The following TSPAN14 variants were observed in gnomAD, a reference collection of about 807,000 sequenced individuals.
TSPAN14 encodes the protein tetraspanin-14.
A neutral mutation model predicts 36.6 loss-of-function variants in TSPAN14; 16 were observed. The observed-to-expected ratio is 0.44, with a 90% CI of 0.30 to 0.66. The LOEUF is 0.66. TSPAN14 is among the 30% of genes least tolerant of loss of function. The pLI is 0.12. For missense variants in TSPAN14, 231 were observed against 355.1 expected, an observed-to-expected ratio of 0.65 and a Z score of 2.81; for synonymous variants, 139 against 143.8, an observed-to-expected ratio of 0.97 and a Z score of 0.24.
intron 2 of TSPAN14, among the ~76,000 whole-genome samples, chr10:80,497,723 G>A (rs571315254): frequency 1.9e-4 from 29 of 152,290 alleles, no homozygotes; most frequent in African/African-American, 6.7e-4. Context: ...GTTCCTGGGC[G>A]GGGCTCAGTG....
chr10:80,511,442 C>T (rs1840612741), intron 5 of TSPAN14, among the ~76,000 whole-genome samples: 1 of 152,106 alleles, frequency 6.6e-6, no homozygotes, highest in Admixed American at 6.5e-5. Context: ...AGGACCACAC[C>T]AAGGTGCCGA....
chr10:80,517,975 G>C, exon 9 of TSPAN14: 1 of 1,557,944 alleles, frequency 6.4e-7, no homozygotes, highest in Non-Finnish European at 8.7e-7. Flanking sequence ...CATCACTTCT[G>C]AGGAGCAGAG....
intron 1 of TSPAN14, among the ~76,000 whole-genome samples, chr10:80,454,823 G>C (rs1266828803): frequency 1.3e-5 from 2 of 152,104 alleles, no homozygotes; most frequent in Non-Finnish European, 2.9e-5. Flanking sequence ...ACCCACCCTC[G>C]GCTCCCAGGA....
chr10:80,500,271 G>A (rs951973261), intron 2 of TSPAN14, among the ~76,000 whole-genome samples: 1 of 131,144 alleles, frequency 7.6e-6, no homozygotes, highest in African/African-American at 2.8e-5. Context: ...GTTAACTTTA[G>A]TTCTTCCTTT....
At chr10:80,454,698 C>T (rs566053629) in intron 1 of TSPAN14, among the ~76,000 whole-genome samples, 140 of 152,248 alleles carry the variant, frequency 9.2e-4, no homozygotes, top group Non-Finnish European at 1.7e-3. Flanking sequence ...GGCGAGTGCG[C>T]GCCCGTGCCG....
intron 3 of TSPAN14, 132 bp from the exon 4 acceptor site, chr10:80,507,096 G>C: frequency 8.2e-7 from 1 of 1,223,958 alleles, no homozygotes; most frequent in South Asian, 1.4e-5. Flanking sequence ...CCGGACTCTG[G>C]CCTGGCTGTC....
chr10:80,470,301 T>G (rs1022763734), intron 1 of TSPAN14, among the ~76,000 whole-genome samples: 1 of 152,200 alleles, frequency 6.6e-6, no homozygotes, highest in African/African-American at 2.4e-5. Flanking sequence ...GTCAGGCTGG[T>G]CTTGAACTTC....
At chr10:80,490,673 A>G (rs993630398) in intron 2 of TSPAN14, among the ~76,000 whole-genome samples, 2 of 152,144 alleles carry the variant, frequency 1.3e-5, no homozygotes, top group Non-Finnish European at 1.5e-5. Flanking sequence ...TGAGGAGCCA[A>G]TGAGAAGTAA....
chr10:80,484,579 TG>T (rs1847489778), intron 1 of TSPAN14, among the ~76,000 whole-genome samples: 1 of 152,240 alleles, frequency 6.6e-6, no homozygotes, highest in Non-Finnish European at 1.5e-5. Context: ...TTCTTTCCTT[TG>T]TGTATAATGT....
intron 1 of TSPAN14, among the ~76,000 whole-genome samples, chr10:80,483,260 A>G (rs932213471): frequency 2.5e-4 from 38 of 152,310 alleles, no homozygotes; most frequent in Admixed American, 2.2e-3. Flanking sequence ...TTTCATTTAT[A>G]ATACAAAGGT....
intron 1 of TSPAN14, among the ~76,000 whole-genome samples, chr10:80,462,725 G>A (rs928420143): frequency 9.2e-5 from 14 of 152,200 alleles, no homozygotes; most frequent in African/African-American, 3.4e-4. Context: ...ATGGAGTTTA[G>A]TGGTTAGGGA....
At chr10:80,504,919 A>G (rs984066268) in intron 3 of TSPAN14, 141 bp downstream of exon 3, 42 of 921,240 alleles carry the variant, frequency 4.6e-5, no homozygotes, top group Non-Finnish European at 6.4e-5. Context: ...CAATCTTTAC[A>G]GACACAGCTC....
intron 1 of TSPAN14, among the ~76,000 whole-genome samples, chr10:80,464,109 A>T (rs1217913643): frequency 6.6e-6 from 1 of 152,130 alleles, no homozygotes; most frequent in East Asian, 1.9e-4. Flanking sequence ...TGCAGGACCT[A>T]TGTGGGGTGT....
exon 9 of TSPAN14, chr10:80,519,696 G>A (rs1215377275): frequency 1.3e-5 from 2 of 152,334 alleles, no homozygotes; most frequent in Non-Finnish European, 2.9e-5. Context: ...AGTGGTAAAC[G>A]CGGCTGCCAG....
chr10:80,490,077 G>A (rs570446141), intron 2 of TSPAN14, among the ~76,000 whole-genome samples: 2 of 152,350 alleles, frequency 1.3e-5, no homozygotes, highest in South Asian at 4.1e-4. Context: ...TCAATAAATA[G>A]TTGGAATTAC....
intron 2 of TSPAN14, among the ~76,000 whole-genome samples, chr10:80,497,896 G>A (rs1350873359): frequency 2.0e-5 from 3 of 152,236 alleles, no homozygotes; most frequent in African/African-American, 4.8e-5. Context: ...CCGGCAGGAG[G>A]AAAAGCTGGG....
chr10:80,505,798 T>C (rs1187831814), intron 3 of TSPAN14, among the ~76,000 whole-genome samples: 1 of 152,192 alleles, frequency 6.6e-6, no homozygotes. Context: ...TGGCCCTGAG[T>C]GTGGAGCTGG....
chr10:80,457,450 A>G (rs1037970644), intron 1 of TSPAN14, among the ~76,000 whole-genome samples: 1 of 152,286 alleles, frequency 6.6e-6, no homozygotes, highest in South Asian at 2.1e-4. Flanking sequence ...CGGCCTCCCA[A>G]AGTGCTGGGA....
At chr10:80,472,729 C>T (rs531831365) in intron 1 of TSPAN14, among the ~76,000 whole-genome samples, 1 of 152,264 alleles carries the variant, frequency 6.6e-6, no homozygotes, top group South Asian at 2.1e-4. Context: ...TTATTTATCT[C>T]TGTGTGTGTA....
Sources: allele counts gnomAD v4.1 joint callset (sites outside exome capture counted in the v4.1 genomes callset), GRCh38; gene constraint gnomAD v4.1.1; transcripts MANE v1.5; gene names NCBI Gene and HGNC (gene_info 2026-07-23, HGNC 2026-07-21).